Variants in ROBO2 observed in about 807,000 individuals in gnomAD.
The protein encoded by ROBO2 is roundabout homolog 2.
A neutral mutation model predicts 160.8 loss-of-function variants in ROBO2; 53 were observed. The observed-to-expected ratio is 0.33, with a 90% CI of 0.26 to 0.41. The LOEUF (loss-of-function observed/expected upper bound fraction) is 0.41, where lower values mean the gene tolerates loss of function less well. ROBO2 is among the 10% of genes least tolerant of loss of function. The pLI is 1.00. For synonymous variants in ROBO2, 664 were observed against 611.7 expected (o/e 1.09, Z -1.26); for missense variants, 1,577 against 1,722.4 (o/e 0.92, Z 1.49).
chr3:76,155,776 T>C (rs532721386), intron 2 of ROBO2, among the ~76,000 whole-genome samples: 11 of 152,182 alleles, frequency 7.2e-5, no homozygotes, highest in Non-Finnish European at 1.2e-4. Flanking sequence ...TTATAAATAT[T>C]CAATGTAAAG....
At chr3:76,161,682 G>T (rs13433699) in intron 2 of ROBO2, among the ~76,000 whole-genome samples, 2 of 151,878 alleles carry the variant, frequency 1.3e-5, no homozygotes, top group Admixed American at 6.6e-5. Context: ...GGCATTTTTC[G>T]TCTTTTATCT....
chr3:77,108,205 CAT>C (rs72269110), intron 2 of ROBO2, among the ~76,000 whole-genome samples: 5,754 of 118,884 alleles, frequency 0.048, 45 homozygotes, highest in Middle Eastern at 0.074. Flanking sequence ...TACACATATG[CAT>C]ATATATATGT....
intron 2 of ROBO2, among the ~76,000 whole-genome samples, chr3:77,320,575 C>T (rs1421705745): frequency 4.6e-5 from 7 of 151,326 alleles, no homozygotes; most frequent in Admixed American, 4.0e-4. Context: ...AAAAGAAGGG[C>T]TCTTATTTAA....
At chr3:76,075,030 G>A (rs1017267463) in intron 2 of ROBO2, among the ~76,000 whole-genome samples, 3 of 152,140 alleles carry the variant, frequency 2.0e-5, no homozygotes, top group Non-Finnish European at 2.9e-5. Context: ...AGAAATGGAA[G>A]ACATTCAGAC....
At chr3:77,378,418 T>C (rs1413071389) in intron 2 of ROBO2, among the ~76,000 whole-genome samples, 1 of 152,124 alleles carries the variant, frequency 6.6e-6, no homozygotes. Flanking sequence ...ACAGCAGAAC[T>C]AAGATATTGT....
At chr3:77,164,627 T>C (rs2078832656) in intron 2 of ROBO2, among the ~76,000 whole-genome samples, 1 of 103,116 alleles carries the variant, frequency 9.7e-6, no homozygotes, top group African/African-American at 4.1e-5. Context: ...GAGGAGCCCC[T>C]CTGCCCGGCC....
intron 2 of ROBO2, among the ~76,000 whole-genome samples, chr3:76,762,747 A>G (rs906209788): frequency 3.3e-5 from 5 of 151,692 alleles, no homozygotes; most frequent in Non-Finnish European, 5.9e-5. Context: ...TTTAAAGAAC[A>G]CACTTTATTA....
At chr3:76,892,223 C>T (rs1199072293) in intron 2 of ROBO2, among the ~76,000 whole-genome samples, 3 of 150,490 alleles carry the variant, frequency 2.0e-5, no homozygotes, top group Non-Finnish European at 4.4e-5. Context: ...GTATGGAGGT[C>T]ACACGAGGGA....
chr3:77,228,954 C>T (rs1022085305), intron 2 of ROBO2, among the ~76,000 whole-genome samples: 25 of 152,264 alleles, frequency 1.6e-4, no homozygotes, highest in Admixed American at 3.3e-4. Context: ...ATGCAATTTA[C>T]CTGTGTGACT....
chr3:77,577,714 G>A lies in ROBO2; in HGVS notation c.2328+100G>A, dbSNP rs144203163. The A allele has an allele frequency of 1.3e-3, 1,816 of 1,397,548 alleles. 8 individuals are homozygous for A. In the African/African-American group the frequency reaches 0.023, roughly 17 times the overall value. The allele number at this position is 1,397,548 out of a possible 1,614,324, so 86.6% of individuals were successfully genotyped here. ...ACATCTCTAAAGGTTCTCTTATTCA[G>A]TTTAAGTGTAAAGTTTTTATTTATA... On this transcript the variant is annotated intron_variant, in intron 15 of 25. Transcript: ENST00000461745.
At chr3:77,020,634 A>G (rs1056060574) in intron 2 of ROBO2, among the ~76,000 whole-genome samples, 12 of 152,212 alleles carry the variant, frequency 7.9e-5, no homozygotes, top group African/African-American at 2.9e-4. Context: ...ATTATCTAAT[A>G]TCAACAACCA....
chr3:77,213,005 A>G (rs1011307991), intron 2 of ROBO2, among the ~76,000 whole-genome samples: 5 of 152,160 alleles, frequency 3.3e-5, no homozygotes, highest in South Asian at 2.1e-4. Flanking sequence ...TTTTGCATCA[A>G]TGTTCATCAG....
At chr3:76,186,845 C>A (rs1326311789) in intron 2 of ROBO2, among the ~76,000 whole-genome samples, 1 of 152,068 alleles carries the variant, frequency 6.6e-6, no homozygotes, top group Non-Finnish European at 1.5e-5. Context: ...CATTAACAAC[C>A]ACCATGTTGC....
intron 2 of ROBO2, among the ~76,000 whole-genome samples, chr3:76,287,670 G>A (rs1406614243): frequency 6.6e-6 from 1 of 152,126 alleles, no homozygotes; most frequent in African/African-American, 2.4e-5. Flanking sequence ...ATGGTTAAAG[G>A]TACATTCTCT....
At chr3:76,008,846 A>G (rs978813112) in intron 2 of ROBO2, among the ~76,000 whole-genome samples, 2 of 152,186 alleles carry the variant, frequency 1.3e-5, no homozygotes, top group African/African-American at 2.4e-5. Context: ...TTTACATGAC[A>G]TGTGGACCTT....
intron 2 of ROBO2, among the ~76,000 whole-genome samples, chr3:77,384,391 T>C (rs2073884996): frequency 6.6e-6 from 1 of 152,170 alleles, no homozygotes; most frequent in African/African-American, 2.4e-5. Flanking sequence ...TCTGTGAAGT[T>C]TGAACAAATG....
At chr3:76,396,012 A>C (rs2077425384) in intron 2 of ROBO2, among the ~76,000 whole-genome samples, 1 of 152,166 alleles carries the variant, frequency 6.6e-6, no homozygotes, top group South Asian at 2.1e-4. Flanking sequence ...GGGCAGAGAC[A>C]CAACTAAAAA....
chr3:76,663,720 G>A (rs2091914325), intron 2 of ROBO2, among the ~76,000 whole-genome samples: 1 of 152,138 alleles, frequency 6.6e-6, no homozygotes, highest in Non-Finnish European at 1.5e-5. Flanking sequence ...TTGATGAATA[G>A]CTAGGACCTA....
intron 5 of ROBO2, among the ~76,000 whole-genome samples, chr3:77,518,922 C>T (rs183447208): frequency 6.6e-6 from 1 of 151,590 alleles, no homozygotes; most frequent in Admixed American, 6.6e-5. Flanking sequence ...TCCGTACTTA[C>T]ATGTTTTCTA....
Sources: allele counts gnomAD v4.1 joint callset (sites outside exome capture counted in the v4.1 genomes callset), GRCh38; gene constraint gnomAD v4.1.1; transcripts MANE v1.5; gene names NCBI Gene and HGNC (gene_info 2026-07-23, HGNC 2026-07-21).